Variants in SAMD11 observed in about 807,000 individuals in gnomAD.
SAMD11 encodes the protein sterile alpha motif domain-containing protein 11.
In SAMD11, 77 loss-of-function variants were observed where a neutral mutation model predicts 64.4. The observed-to-expected ratio is 1.20, with a 90% CI of 0.99 to 1.44. SAMD11 has a LOEUF of 1.44. Among genes scored for constraint, SAMD11 ranks in the 40% most tolerant of loss-of-function variants. The pLI, the probability that SAMD11 is intolerant of heterozygous loss-of-function variation, is 0.00. For synonymous variants in SAMD11, 658 were observed against 421.9 expected, an observed-to-expected ratio of 1.56 and a Z score of -6.86; for missense variants, 1,402 against 943.3, an observed-to-expected ratio of 1.49 and a Z score of -6.37.
At chr1:929,623 A>G (rs966746323) in intron 2 of SAMD11, among the ~76,000 whole-genome samples, 1 of 152,216 alleles carries the variant, frequency 6.6e-6, no homozygotes, top group African/African-American at 2.4e-5. Flanking sequence ...AGATACACGG[A>G]GGGAACGTGC....
In SAMD11 at chr1:941,528, G is replaced by A. The variant is rs112520258; in HGVS notation, c.1358+222G>A. On this transcript the variant is annotated intron_variant, in intron 8 of 13. Transcript: ENST00000616016. ...GAGGCCCATCAGGGGGTTCCCTGGA[G>A]GAGAAGCCAGAGAAGGGGAGAGCTC... 7.4e-3 allele frequency among the ~76,000 whole-genome samples: 1,131 copies of A among 152,160 alleles called. 14 individuals carry two copies. The highest frequency in any genetic ancestry group is 0.025 in the African/African-American group (1,022 of 41,512).
chr1:925,844 G>C, intron 1 of SAMD11, 78 bp from the exon 2 acceptor site: 1 of 1,009,854 alleles, frequency 9.9e-7, no homozygotes, highest in Non-Finnish European at 1.6e-6. Context: ...GAGCCGGGGA[G>C]GGGGTACTGG....
intron 1 of SAMD11, 39 bp from the exon 2 acceptor site, chr1:925,883 G>T (rs773707180): frequency 2.7e-6 from 4 of 1,478,210 alleles, no homozygotes; most frequent in Admixed American, 3.3e-5. Flanking sequence ...GCAGAAGCGT[G>T]CCGCTCCCTC....
rs2100356230 is a variant in SAMD11, at chr1:942,168, C to T, written c.1391C>T (p.Pro464Leu). Residue 464 changes from proline (P) to leucine (L), a missense_variant, in exon 9 of 14, where the codon CCG (proline) becomes CTG (leucine). By Grantham distance (98) the Pro-to-Leu change is moderately conservative. Transcript: ENST00000616016. The part of the protein sequence containing the change: ...ELPQPPPLLS[P>L]QNAPHVALGP... ...CCTCAGCCGCCCCCCTTGCTGTCGC[C>T]GCAGAATGCCCCTCACGTCGCCCTG... The T allele has an allele frequency of 1.4e-6, 2 of 1,434,270 alleles. No individual in the cohort carries two copies. The highest frequency in any genetic ancestry group is 1.8e-6 in the Non-Finnish European group (2 of 1,086,806). The allele number at this position is 1,434,270 out of a possible 1,614,324, so 88.8% of individuals were successfully genotyped here.
At position 944,468 on chromosome 1, in the gene SAMD11, A is replaced by G. The variant is rs1557613472; in HGVS notation, c.*315A>G. On this transcript the variant is annotated 3_prime_UTR_variant, in exon 14 of 14. Coordinates refer to ENST00000616016, the MANE Select transcript of SAMD11 (RefSeq NM_001385641.1). ...CAGGGTCAGCTCCCCCGCGGAGCTG[A>G]CTTCAGCAGCCCACAGCTGTGGGGC... 9 of 747,726 alleles carry G rather than the reference A, an allele frequency of 1.2e-5. No individual in the cohort carries two copies. The highest frequency in any genetic ancestry group is 1.8e-5 in the African/African-American group (1 of 54,694). 46.3% of individuals were successfully genotyped at this position (747,726 alleles called of 1,614,324 possible).
rs765877680 is a variant in SAMD11, at chr1:942,213, C to G, written c.1436C>G (p.Pro479Arg). Residue 479 changes from proline to arginine, a missense_variant, in exon 9 of 14, where the codon CCC becomes CGC. By Grantham distance (103) the Pro-to-Arg change is moderately radical. Transcript: ENST00000616016. ...HVALGPHLRP[P>R]FLGVPSALCQ... is the part of the protein sequence containing the mutation. ...GCCCTGGGCCCCCATCTCAGGCCCC[C>G]CTTCCTGGGGGTGCCCTCGGCTCTG... 1 of 1,361,890 alleles carries G rather than the reference C, an allele frequency of 7.3e-7. No homozygotes were observed. The highest frequency in any genetic ancestry group is 9.5e-7 in the Non-Finnish European group (1 of 1,051,242). The allele number at this position is 1,361,890 out of a possible 1,614,324, so 84.4% of individuals were successfully genotyped here.
chr1:942,139 GC>G lies in SAMD11; in HGVS notation c.1363del (p.Leu455CysfsTer109). The G allele has an allele frequency of 7.4e-7, 1 of 1,352,308 alleles. No homozygotes were observed. Among genetic ancestry groups the G allele is most frequent in the Non-Finnish European group, 9.9e-7 (1 of 1,012,204 alleles). 83.8% of individuals were successfully genotyped at this position (1,352,308 alleles called of 1,614,324 possible). A position where few individuals can be genotyped will look rare whatever the true frequency, so the allele number is the denominator to read the frequency against. On this transcript the variant is annotated frameshift_variant, in exon 9 of 14. Coordinates refer to ENST00000616016, the MANE Select transcript of SAMD11 (RefSeq NM_001385641.1). LOFTEE classifies it high-confidence loss of function. ...AAAPSFSERELPQPPPLLSPQ... is the reference protein window; with the variant it reads ...AAAPSFSEREXPQPPPLLSPQ... ...CTCATTGCGCTGCCGTCCACAGGGA[GC>G]TGCCTCAGCCGCCCCCCTTGCTGTC...
intron 2 of SAMD11, among the ~76,000 whole-genome samples, chr1:927,405 G>A (rs770530805): frequency 9.2e-5 from 14 of 152,148 alleles, no homozygotes; most frequent in Non-Finnish European, 1.6e-4. Context: ...GCTTCCGTGA[G>A]CATCTCCTCC....
chr1:935,805 C>T lies in SAMD11; in HGVS notation c.876C>T (p.Ser292=), dbSNP rs753954890. 9.9e-6 allele frequency: 16 copies of T among 1,613,332 alleles called. No homozygotes were observed. Among genetic ancestry groups the T allele is most frequent in the East Asian group, 2.2e-5 (1 of 44,892 alleles). The change falls in exon 5 of 14, where the codon AGC becomes AGT. Residue 292 remains serine (S), a synonymous_variant. Transcript: ENST00000616016. ...QDGNLPTLIS[S]VHRSRHLVMP... ...GCAACCTTCCCACCCTCATATCCAG[C>T]GTCCACCGCAGCCGCCACCTCGTTA...
intron 2 of SAMD11, among the ~76,000 whole-genome samples, chr1:928,300 G>A (rs1214299688): frequency 6.6e-6 from 1 of 152,238 alleles, no homozygotes; most frequent in Non-Finnish European, 1.5e-5. Flanking sequence ...GCTGAGGCAG[G>A]AGAATGGCAT....
rs768092156 is a variant in SAMD11 at position 944,138 on chromosome 1, C to A, written c.2520C>A (p.Ser840=). The A allele has an allele frequency of 6.3e-6, 10 of 1,575,990 alleles. No homozygotes were observed. Among genetic ancestry groups the A allele is most frequent in the Non-Finnish European group, 8.6e-6 (10 of 1,159,344 alleles). The part of the protein sequence containing the change: ...LALLPGAPDP[S]QPLC ...TACTTCCAGGGGCCCCCGACCCTTC[C>A]CAGCCTCTGTGTTGAGGTTGCCGGG... The change falls in exon 14 of 14, where the codon TCC becomes TCA. Residue 840 remains serine, a synonymous_variant. Transcript: ENST00000616016.
At chr1:932,873 G>A (rs930902588) in intron 4 of SAMD11, among the ~76,000 whole-genome samples, 4 of 152,256 alleles carry the variant, frequency 2.6e-5, no homozygotes, top group Non-Finnish European at 5.9e-5. Context: ...TTGTTTGCAG[G>A]CGGGGGCTTG....
chr1:932,970 C>T (rs1341451082), intron 4 of SAMD11, among the ~76,000 whole-genome samples: 1 of 152,142 alleles, frequency 6.6e-6, no homozygotes, highest in Admixed American at 6.5e-5. Context: ...TGGCGGGAGG[C>T]CCATGCGTGG....
chr1:939,079 T>G lies in SAMD11; in HGVS notation c.1007T>G (p.Ile336Ser). ...AAGAGGCTGGGCCGCTCCCCCCGTA[T>G]CAGCAGCGACTGCTTTTCAGAGAAG... ...LGKRLGRSPR[I>S]SSDCFSEKRA... Residue 336 changes from isoleucine to serine, a missense_variant, in exon 6 of 14, where the codon ATC becomes AGC. Physicochemically the swap from Ile to Ser is moderately radical, Grantham distance 142. Transcript: ENST00000616016. The G allele has an allele frequency of 6.2e-7, 1 of 1,606,218 alleles. No homozygotes were observed. The highest frequency in any genetic ancestry group is 8.5e-7 in the Non-Finnish European group (1 of 1,176,712).
At chr1:939,436 C>G (rs1183064455) in intron 7 of SAMD11, 24 bp downstream of exon 7, 2 of 1,439,974 alleles carry the variant, frequency 1.4e-6, no homozygotes, top group African/African-American at 2.8e-5. Flanking sequence ...CTGGCATGAT[C>G]CCCCTCATCA....
At chr1:937,268 C>T (rs1436411328) in intron 5 of SAMD11, among the ~76,000 whole-genome samples, 5 of 152,136 alleles carry the variant, frequency 3.3e-5, no homozygotes, top group African/African-American at 1.2e-4. Context: ...CTCCCTGGGC[C>T]CTGGGCTGTG....
Position 942,932 on chromosome 1 carries a change from G to A in SAMD11, c.1927G>A (p.Gly643Arg), listed in dbSNP as rs779977047. ...DGEDPETAAV[G>R]CRGPTPGQAP... The stretch of plus-strand genomic sequence containing the variant: ...AGAGGACCCCGAGACGGCAGCTGTT[G>A]GGTGCAGGGGGCCCACTCCGGGCCA... Residue 643 changes from glycine to arginine, a missense_variant, in exon 11 of 14, where the codon GGG becomes AGG. By Grantham distance (125) the Gly-to-Arg change is moderately radical. Coordinates refer to ENST00000616016, the MANE Select transcript of SAMD11 (RefSeq NM_001385641.1). 3.9e-6 allele frequency: 6 copies of A among 1,551,716 alleles called. No individual in the cohort carries two copies. The highest frequency in any genetic ancestry group is 3.6e-5 in the South Asian group (3 of 84,046).
chr1:930,959 G>A, intron 3 of SAMD11, 80 bp from the exon 4 acceptor site: 1 of 1,419,620 alleles, frequency 7.0e-7, no homozygotes, highest in Non-Finnish European at 9.9e-7. Flanking sequence ...CCCGAGACAG[G>A]TCTGCGCACG....
At position 931,063 on chromosome 1, in the gene SAMD11, C is replaced by A; in HGVS notation, c.816C>A (p.Asn272Lys). ...KRRVHTHWDV[N>K]ISFREASCSQ... ...GAGTCCACACCCACTGGGACGTGAA[C>A]ATCTCTTTCCGAGAGGCGTCCTGCA... is the stretch of plus-strand genomic sequence containing the variant. The change falls in exon 4 of 14, where the codon AAC (asparagine) becomes AAA (lysine). Residue 272 changes from asparagine (N) to lysine (K), a missense_variant. Physicochemically the swap from Asn to Lys is moderately conservative, Grantham distance 94. Transcript: ENST00000616016. 6.2e-7 allele frequency: 1 copy of A among 1,612,862 alleles called. No individual in the cohort carries two copies. Among genetic ancestry groups the A allele is most frequent in the Middle Eastern group, 1.7e-4 (1 of 5,910 alleles).
Sources: allele counts gnomAD v4.1 joint callset (sites outside exome capture counted in the v4.1 genomes callset), GRCh38; gene constraint gnomAD v4.1.1; transcripts MANE v1.5; gene names NCBI Gene and HGNC (gene_info 2026-07-23, HGNC 2026-07-21).